Variants in GBP2 observed in about 807,000 individuals in gnomAD.
GBP2 encodes the protein guanylate-binding protein 2.
Under a neutral mutation model 60.8 loss-of-function variants are expected in GBP2, and 54 were observed. That is an observed-to-expected ratio of 0.89 (90% CI 0.71 to 1.11). The LOEUF (loss-of-function observed/expected upper bound fraction) is 1.11, where lower values mean the gene tolerates loss of function less well. Ranked by LOEUF, GBP2 falls within the 50% of genes most tolerant of loss-of-function variation. The pLI, the probability that GBP2 is intolerant of heterozygous loss-of-function variation, is 0.00. For missense variants in GBP2, 665 were observed against 703.3 expected (o/e 0.95, Z 0.62); for synonymous variants, 243 against 256.5 (o/e 0.95, Z 0.50).
At chr1:89,120,856 C>T (rs1484349113) in intron 3 of GBP2, among the ~76,000 whole-genome samples, 1 of 152,140 alleles carries the variant, frequency 6.6e-6, no homozygotes, top group African/African-American at 2.4e-5. Context: ...TTTATAAGCA[C>T]CTTCAGCAGC....
intron 8 of GBP2, among the ~76,000 whole-genome samples, chr1:89,112,110 C>T (rs895962029): frequency 2.6e-5 from 4 of 152,112 alleles, no homozygotes; most frequent in African/African-American, 9.7e-5. Flanking sequence ...TGTTCATAAG[C>T]TATCATTTGC....
intron 4 of GBP2, 25 bp from the exon 5 acceptor site, chr1:89,117,798 A>G: frequency 6.4e-7 from 1 of 1,568,618 alleles, no homozygotes; most frequent in Non-Finnish European, 8.7e-7. Flanking sequence ...TAAGAAAACT[A>G]CAGAAAATGC....
intron 10 of GBP2, 108 bp from the exon 11 acceptor site, chr1:89,108,399 C>A: frequency 1.5e-6 from 1 of 647,572 alleles, no homozygotes; most frequent in South Asian, 1.9e-5. Context: ...GACTATCACT[C>A]TCTTCTGAGT....
At chr1:89,122,347 T>C (rs779014617) in intron 1 of GBP2, among the ~76,000 whole-genome samples, 69 of 152,230 alleles carry the variant, frequency 4.5e-4, no homozygotes, top group Non-Finnish European at 6.9e-4. Context: ...AATGTCCTTC[T>C]GCTCCATGAC....
At chr1:89,113,682 C>T (rs1013439359) in intron 7 of GBP2, among the ~76,000 whole-genome samples, 6 of 151,944 alleles carry the variant, frequency 3.9e-5, no homozygotes, top group Non-Finnish European at 1.5e-5. Context: ...TAATTTAGTC[C>T]CCACTGATAA....
rs1417436254 is a variant in GBP2 at position 89,107,198 on chromosome 1, T to G, written c.*977A>C. On this transcript the variant is annotated 3_prime_UTR_variant, in exon 11 of 11. Transcript: ENST00000370466. ...TAATGAATTATTCTTGATTTTTCAA[T>G]CTGTCATTTTTTTTTTTTTAGTAAG... The G allele has an allele frequency of 6.6e-6, 1 of 152,184 alleles. No individual in the cohort carries two copies. Among genetic ancestry groups the G allele is most frequent in the Non-Finnish European group, 1.5e-5 (1 of 68,028 alleles). The allele number at this position is 152,184 out of a possible 1,614,324, so 9.4% of individuals were successfully genotyped here.
intron 4 of GBP2, chr1:89,118,666 C>A (rs1037086505): frequency 3.3e-5 from 5 of 151,984 alleles, no homozygotes; most frequent in Non-Finnish European, 2.9e-5. Flanking sequence ...AAAAGATAAC[C>A]AAGATGAGAG....
In GBP2 at chr1:89,112,701, CA is replaced by C; in HGVS notation, c.1150-18del. 1 of 1,592,230 alleles carries C rather than the reference CA, an allele frequency of 6.3e-7. No individual in the cohort carries two copies. The highest frequency in any genetic ancestry group is 8.6e-7 in the Non-Finnish European group (1 of 1,160,062). The stretch of plus-strand genomic sequence containing the variant: ...CAACTGGGCCTGTGAAGTGACAAAA[CA>C]GCACAGATGTTTCAGTAAAGCCATG... On this transcript the variant is annotated intron_variant, in intron 7 of 10. Coordinates refer to ENST00000370466, the MANE Select transcript of GBP2 (RefSeq NM_004120.5).
chr1:89,109,143 C>T (rs1042767864), intron 10 of GBP2, among the ~76,000 whole-genome samples: 20 of 152,098 alleles, frequency 1.3e-4, no homozygotes, highest in African/African-American at 3.9e-4. Context: ...GATCCGCCCC[C>T]GTCGGCCTCC....
intron 4 of GBP2, chr1:89,119,089 C>T (rs1003243725): frequency 6.6e-6 from 1 of 152,024 alleles, no homozygotes; most frequent in African/African-American, 2.4e-5. Flanking sequence ...AGAAAAGAGG[C>T]ACAAGAACTT....
rs1681079153 is a variant in GBP2 at position 89,107,546 on chromosome 1, C to T, written c.*629G>A. Among the ~76,000 whole-genome samples, 1 of 152,194 alleles carries T rather than the reference C, an allele frequency of 6.6e-6. No individual in the cohort carries two copies. Among genetic ancestry groups the T allele is most frequent in the Non-Finnish European group, 1.5e-5 (1 of 68,042 alleles). On this transcript the variant is annotated 3_prime_UTR_variant, in exon 11 of 11. Coordinates refer to ENST00000370466, the MANE Select transcript of GBP2 (RefSeq NM_004120.5). ...CATTCTGCACAGAGGCAACCACTTT[C>T]TCTGCTAGTGCCCACAGATCATGCA...
chr1:89,116,999 A>G lies in GBP2; in HGVS notation c.861T>C (p.Asn287=), dbSNP rs886838509. The G allele has an allele frequency of 1.2e-6, 2 of 1,613,998 alleles. No homozygotes were observed. The highest frequency in any genetic ancestry group is 1.7e-6 in the Non-Finnish European group (2 of 1,179,888). Residue 287 remains asparagine (N), a synonymous_variant, in exon 6 of 11, where the codon AAT becomes AAC. Coordinates refer to ENST00000370466, the MANE Select transcript of GBP2 (RefSeq NM_004120.5). ...VKTLSGGIPV[N]GPRLESLVLT... ...GTAGAGAGAGTGACTCACGAGGCCC[A>G]TTGACTGGAATGCCACCTGAAAGAG...
chr1:89,123,214 G>T (rs1334479690), intron 1 of GBP2, among the ~76,000 whole-genome samples: 2 of 152,068 alleles, frequency 1.3e-5, no homozygotes, highest in African/African-American at 4.8e-5. Flanking sequence ...TTCTCCCAAG[G>T]GCTCTGGTTG....
chr1:89,120,680 T>A (rs941836867), intron 3 of GBP2, among the ~76,000 whole-genome samples: 52 of 152,192 alleles, frequency 3.4e-4, no homozygotes, highest in African/African-American at 1.2e-3. Context: ...ATGTCTAAGA[T>A]TTATAACAGT....
chr1:89,121,224 C>G lies in GBP2; in HGVS notation c.237G>C (p.Trp79Cys). 1 of 1,612,370 alleles carries G rather than the reference C, an allele frequency of 6.2e-7. No individual in the cohort carries two copies. The highest frequency in any genetic ancestry group is 8.5e-7 in the Non-Finnish European group (1 of 1,178,836). The change falls in exon 3 of 11, where the codon TGG (tryptophan) becomes TGC (cysteine). Residue 79 changes from tryptophan to cysteine, a missense_variant. Coordinates refer to ENST00000370466, the MANE Select transcript of GBP2 (RefSeq NM_004120.5). ...STVKSHTKGI[W>C]MWCVPHPKKP... ...TCTTGGGATGAGGCACACACCACAT[C>G]CAGATTCCCTTGGTGTGAGACTTCA...
rs576011309 is a variant in GBP2, at chr1:89,121,714, T to C, written c.190+63A>G. On this transcript the variant is annotated intron_variant, in intron 2 of 10. Coordinates refer to ENST00000370466, the MANE Select transcript of GBP2 (RefSeq NM_004120.5). ...TCATCTCTTTCTATGCTCACATCCC[T>C]AAGCTGGATGTTCGCCGTGTGTACG... 14 of 1,530,276 alleles carry C rather than the reference T, an allele frequency of 9.1e-6. No homozygotes were observed. In the African/African-American group the frequency reaches 1.4e-4, roughly 15 times the overall value. 94.8% of individuals were successfully genotyped at this position (1,530,276 alleles called of 1,614,324 possible).
At chr1:89,124,758 C>T (rs1681485563) in intron 1 of GBP2, among the ~76,000 whole-genome samples, 1 of 152,230 alleles carries the variant, frequency 6.6e-6, no homozygotes, top group Admixed American at 6.5e-5. Context: ...CTGTTATTCA[C>T]TCAAGCTTGG....
chr1:89,119,818 G>T, intron 4 of GBP2: 1 of 206,250 alleles, frequency 4.8e-6, no homozygotes, highest in South Asian at 7.9e-5. Context: ...AGTATCTATA[G>T]TGTATAGCTA....
chr1:89,109,257 A>G (rs1362158467), intron 10 of GBP2, among the ~76,000 whole-genome samples: 2 of 152,186 alleles, frequency 1.3e-5, no homozygotes, highest in Non-Finnish European at 2.9e-5. Flanking sequence ...CAGGCATAAC[A>G]GAAACAAAAT....
Sources: allele counts gnomAD v4.1 joint callset (sites outside exome capture counted in the v4.1 genomes callset), GRCh38; gene constraint gnomAD v4.1.1; transcripts MANE v1.5; gene names NCBI Gene and HGNC (gene_info 2026-07-23, HGNC 2026-07-21).